The following DEFB124 variants were observed in gnomAD, a reference collection of about 807,000 sequenced individuals.
DEFB124 encodes beta-defensin 124.
For synonymous variants in DEFB124, 38 were observed against 36.5 expected (o/e 1.04, Z -0.15); for missense variants, 78 against 83.1 (o/e 0.94, Z 0.24).
At chr20:31,470,457 G>C (rs1253229561) in intron 2 of DEFB124, among the ~76,000 whole-genome samples, 1 of 140,772 alleles carries the variant, frequency 7.1e-6, no homozygotes, top group Non-Finnish European at 1.6e-5. Flanking sequence ...CTCCCGGACG[G>C]GGTGGCTGGC....
chr20:31,465,912 T>C (rs1440966306), intron 2 of DEFB124, among the ~76,000 whole-genome samples: 8 of 152,170 alleles, frequency 5.3e-5, no homozygotes, highest in Non-Finnish European at 8.8e-5. Context: ...ATCCCAGCAC[T>C]TTGGGAGGCT....
At chr20:31,470,603 C>A (rs1980231411) in intron 2 of DEFB124, among the ~76,000 whole-genome samples, 1 of 86,602 alleles carries the variant, frequency 1.2e-5, no homozygotes. Flanking sequence ...GGGCGGGGGG[C>A]TGACCCCCCC....
At chr20:31,467,439 G>A (rs1399328778) in intron 2 of DEFB124, among the ~76,000 whole-genome samples, 1 of 152,184 alleles carries the variant, frequency 6.6e-6, no homozygotes, top group Admixed American at 6.5e-5. Context: ...GACCTCCTGG[G>A]TCCAAATCCC....
chr20:31,471,485 C>CG (rs1163312931), intron 2 of DEFB124, among the ~76,000 whole-genome samples: 1 of 127,392 alleles, frequency 7.8e-6, no homozygotes, highest in South Asian at 2.7e-4. Flanking sequence ...CCCTCCCGGA[C>CG]GGGGGGCTGA....
intron 1 of DEFB124, among the ~76,000 whole-genome samples, chr20:31,474,265 TC>T (rs1171352926): frequency 6.6e-6 from 1 of 152,116 alleles, no homozygotes; most frequent in Admixed American, 6.5e-5. Flanking sequence ...GTCACCTCAC[TC>T]CCAGACAATG....
chr20:31,470,615 C>A (rs1405797547), intron 2 of DEFB124, among the ~76,000 whole-genome samples: 1 of 134,314 alleles, frequency 7.4e-6, no homozygotes, highest in Admixed American at 7.2e-5. Flanking sequence ...GACCCCCCCC[C>A]CCACCTCCCT....
intron 2 of DEFB124, among the ~76,000 whole-genome samples, chr20:31,470,204 G>T (rs1381843108): frequency 6.9e-6 from 1 of 145,856 alleles, no homozygotes; most frequent in East Asian, 2.0e-4. Context: ...CGGGCGGGGG[G>T]CTGACCCCCC....
At chr20:31,470,001 C>T (rs1471125428) in intron 2 of DEFB124, among the ~76,000 whole-genome samples, 1,597 of 146,982 alleles carry the variant, frequency 0.011, no homozygotes, top group African/African-American at 0.032. Flanking sequence ...GGCAGAGGGG[C>T]TCCTCACTTC....
At chr20:31,469,935 TC>T (rs1980187169) in intron 2 of DEFB124, among the ~76,000 whole-genome samples, 1 of 150,204 alleles carries the variant, frequency 6.7e-6, no homozygotes, top group African/African-American at 2.5e-5. Context: ...GCCATTGTCA[TC>T]CCGGCCCGTT....
rs939171841 is a variant in DEFB124 at position 31,465,587 on chromosome 20, C to T, written c.135G>A (p.Met45Ile). 1 of 1,614,204 alleles carries T rather than the reference C, an allele frequency of 6.2e-7. No individual in the cohort carries two copies. Residue 45 changes from methionine to isoleucine, a missense_variant, in exon 3 of 3, where the codon ATG becomes ATA. Met to Ile is a conservative substitution (Grantham distance 10). Transcript: ENST00000317676. ...ACAGGGACGCATCCGGGCACAGGTG[C>T]ATGTAAGTTTCTTGCCTTGTGCAGT... The part of the protein sequence containing the change: ...QTYCTRQETY[M>I]HLCPDASLCC...
intron 2 of DEFB124, among the ~76,000 whole-genome samples, chr20:31,466,125 C>A (rs966746181): frequency 2.4e-4 from 36 of 151,904 alleles, no homozygotes; most frequent in African/African-American, 7.5e-4. Context: ...CCACTGCACT[C>A]CAGACTGGGC....
chr20:31,472,111 C>A (rs1405199356), intron 2 of DEFB124, among the ~76,000 whole-genome samples: 1 of 150,742 alleles, frequency 6.6e-6, no homozygotes, highest in African/African-American at 2.4e-5. Flanking sequence ...AGCCTGGGCA[C>A]CATTGAGCAC....
chr20:31,466,379 C>T (rs998190677), intron 2 of DEFB124, among the ~76,000 whole-genome samples: 1 of 151,604 alleles, frequency 6.6e-6, no homozygotes, highest in Non-Finnish European at 1.5e-5. Flanking sequence ...GCGGGTGGAT[C>T]ACCTGGGGTC....
At chr20:31,472,598 T>C (rs1980364993) in intron 2 of DEFB124, 2 of 230,398 alleles carry the variant, frequency 8.7e-6, no homozygotes, top group Non-Finnish European at 1.7e-5. Context: ...TCAGCACTTA[T>C]CACCACCCAA....
chr20:31,467,565 C>T (rs1980113644), intron 2 of DEFB124, among the ~76,000 whole-genome samples: 1 of 152,116 alleles, frequency 6.6e-6, no homozygotes, highest in South Asian at 2.1e-4. Context: ...AGTAAATGCT[C>T]AATAAATAGG....
chr20:31,468,583 C>G (rs1980140862), intron 2 of DEFB124, among the ~76,000 whole-genome samples: 1 of 151,858 alleles, frequency 6.6e-6, no homozygotes, highest in Non-Finnish European at 1.5e-5. Flanking sequence ...TCAACTGATT[C>G]TCCTGCCTCA....
At chr20:31,470,710 T>C (rs1442401434) in intron 2 of DEFB124, among the ~76,000 whole-genome samples, 225 of 42,780 alleles carry the variant, frequency 5.3e-3, no homozygotes, top group African/African-American at 5.6e-3. Flanking sequence ...GGGGGCTGAC[T>C]CCCCCACCTC....
Position 31,474,140 on chromosome 20 carries a change from G to T in DEFB124, c.-26+487C>A, listed in dbSNP as rs142571003. On this transcript the variant is annotated intron_variant, in intron 1 of 2. Transcript: ENST00000317676. Reference sequence around the variant, plus strand: ...ATTATAGACAACCAAAAGTTTTTTAGCAAGAGTGTAAGCTGTTCATATTAT... The same window carrying T: ...ATTATAGACAACCAAAAGTTTTTTATCAAGAGTGTAAGCTGTTCATATTAT... Among the ~76,000 whole-genome samples, 531 of 152,308 alleles carry T rather than the reference G, an allele frequency of 3.5e-3. 1 individual carries two copies. The highest frequency in any genetic ancestry group is 6.1e-3 in the Non-Finnish European group (415 of 68,024).
intron 1 of DEFB124, among the ~76,000 whole-genome samples, chr20:31,473,893 C>G (rs1182493696): frequency 6.6e-6 from 1 of 152,138 alleles, no homozygotes; most frequent in Non-Finnish European, 1.5e-5. Flanking sequence ...GTTTGAGAAC[C>G]CCTGAGATAA....
Sources: allele counts gnomAD v4.1 joint callset (sites outside exome capture counted in the v4.1 genomes callset), GRCh38; gene constraint gnomAD v4.1.1; transcripts MANE v1.5; gene names NCBI Gene and HGNC (gene_info 2026-07-23, HGNC 2026-07-21).